ERP44: variants seen among roughly 807,000 people sequenced by gnomAD.
The protein encoded by ERP44 is endoplasmic reticulum resident protein 44.
In ERP44, 25 loss-of-function variants were observed where a neutral mutation model predicts 53.4. The observed-to-expected ratio is 0.47, with a 90% CI of 0.34 to 0.65. ERP44 has a LOEUF of 0.65. ERP44 is among the 30% of genes least tolerant of loss of function. The pLI is 0.01. For missense variants in ERP44, 338 were observed against 493.2 expected (o/e 0.69, Z 2.98); for synonymous variants, 145 against 161.2 (o/e 0.90, Z 0.76).
At chr9:99,991,782 G>T (rs1830259315) in intron 10 of ERP44, among the ~76,000 whole-genome samples, 13 of 151,960 alleles carry the variant, frequency 8.6e-5, no homozygotes, top group Admixed American at 8.5e-4. Context: ...GACTAATAAA[G>T]AAGAAAAGAG....
chr9:99,993,816 GA>G (rs1016427556), intron 10 of ERP44, among the ~76,000 whole-genome samples: 9 of 151,752 alleles, frequency 5.9e-5, no homozygotes, highest in African/African-American at 2.2e-4. Flanking sequence ...AAATTTACAA[GA>G]AAAAACCCCA....
At chr9:100,011,839 T>C (rs1381859106) in intron 8 of ERP44, among the ~76,000 whole-genome samples, 3 of 152,180 alleles carry the variant, frequency 2.0e-5, no homozygotes, top group Non-Finnish European at 2.9e-5. Context: ...TGCCAAGCTG[T>C]CATATAGAAA....
At chr9:99,995,318 T>C (rs575448249) in intron 10 of ERP44, among the ~76,000 whole-genome samples, 8 of 152,364 alleles carry the variant, frequency 5.3e-5, no homozygotes, top group African/African-American at 1.9e-4. Flanking sequence ...TCCTTTCAGG[T>C]CTGAATGCCT....
At chr9:100,049,927 A>C (rs188874683) in intron 4 of ERP44, among the ~76,000 whole-genome samples, 79 of 152,282 alleles carry the variant, frequency 5.2e-4, no homozygotes, top group African/African-American at 1.9e-3. Flanking sequence ...TCTGTCAGGA[A>C]GTGAACAGAT....
At chr9:100,000,151 G>T (rs1057172618) in intron 10 of ERP44, among the ~76,000 whole-genome samples, 9 of 152,052 alleles carry the variant, frequency 5.9e-5, no homozygotes, top group South Asian at 4.2e-4. Context: ...GTTCTCCCAG[G>T]CCGGTGCAGT....
chr9:100,002,785 T>C (rs1248577698), intron 10 of ERP44, among the ~76,000 whole-genome samples: 1 of 152,180 alleles, frequency 6.6e-6, no homozygotes, highest in Non-Finnish European at 1.5e-5. Flanking sequence ...CAACAGTTTA[T>C]GTGTTGGCGT....
At chr9:100,009,962 CATTTTATCA>C (rs1830456728) in intron 8 of ERP44, among the ~76,000 whole-genome samples, 1 of 47,246 alleles carries the variant, frequency 2.1e-5, no homozygotes, top group African/African-American at 5.4e-5. Flanking sequence ...ACTCCAAGAG[CATTTTATCA>C]ATGGAAAATT....
At chr9:100,065,056 A>G (rs1411437136) in intron 1 of ERP44, among the ~76,000 whole-genome samples, 5 of 152,240 alleles carry the variant, frequency 3.3e-5, no homozygotes, top group African/African-American at 1.2e-4. Context: ...AGACTACAGT[A>G]AGGTACAGTA....
At chr9:100,067,822 G>A (rs1826237261) in intron 1 of ERP44, among the ~76,000 whole-genome samples, 1 of 151,978 alleles carries the variant, frequency 6.6e-6, no homozygotes, top group Non-Finnish European at 1.5e-5. Context: ...TCTGAGATGT[G>A]GGGAGCGTCT....
chr9:100,053,533 A>G (rs950831506), intron 3 of ERP44, among the ~76,000 whole-genome samples: 1 of 152,180 alleles, frequency 6.6e-6, no homozygotes, highest in African/African-American at 2.4e-5. Flanking sequence ...GCATGCACCT[A>G]CACTATAGGG....
At chr9:100,077,956 A>G (rs188095798) in intron 1 of ERP44, among the ~76,000 whole-genome samples, 5 of 152,084 alleles carry the variant, frequency 3.3e-5, no homozygotes, top group Admixed American at 2.6e-4. Context: ...CTCCACCAGG[A>G]AAAAAAACAC....
intron 4 of ERP44, among the ~76,000 whole-genome samples, chr9:100,039,825 TG>T (rs1259369239): frequency 6.6e-6 from 1 of 151,598 alleles, no homozygotes; most frequent in East Asian, 1.9e-4. Context: ...ACATCAGAAA[TG>T]AAAAAGGAGA....
intron 8 of ERP44, among the ~76,000 whole-genome samples, chr9:100,012,570 T>C (rs998592776): frequency 3.3e-5 from 5 of 152,212 alleles, no homozygotes; most frequent in African/African-American, 1.2e-4. Flanking sequence ...TTCATACATT[T>C]GATTTGAAAT....
At chr9:100,025,013 G>A (rs958004955) in intron 4 of ERP44, among the ~76,000 whole-genome samples, 10 of 152,072 alleles carry the variant, frequency 6.6e-5, no homozygotes, top group East Asian at 1.9e-4. Context: ...CCATAGCCCC[G>A]GCTATGGTAA....
chr9:99,997,064 T>G (rs535889983), intron 10 of ERP44, among the ~76,000 whole-genome samples: 1 of 152,016 alleles, frequency 6.6e-6, no homozygotes, highest in Non-Finnish European at 1.5e-5. Flanking sequence ...GGCATTTGGG[T>G]TGGTTCCATG....
intron 8 of ERP44, among the ~76,000 whole-genome samples, chr9:100,016,106 G>A (rs1022052697): frequency 1.3e-5 from 2 of 152,166 alleles, no homozygotes; most frequent in African/African-American, 4.8e-5. Context: ...AGGCTGTAGT[G>A]AACTACTACT....
In ERP44 at chr9:100,052,438, T is replaced by G; in HGVS notation, c.265A>C (p.Arg89=). 1 of 1,610,594 alleles carries G rather than the reference T, an allele frequency of 6.2e-7. No homozygotes were observed. Among genetic ancestry groups the G allele is most frequent in the Non-Finnish European group, 8.5e-7 (1 of 1,177,714 alleles). ...FPNENQVVFA[R]VDCDQHSDIA... ...TTACAGTGCTGATCACAATCAACTC[T>G]GGCAAACACTACTTGATTTTCATTT... The change falls in exon 4 of 12, where the codon AGA becomes CGA. Residue 89 remains arginine (R), a synonymous_variant. Transcript: ENST00000262455.
intron 4 of ERP44, among the ~76,000 whole-genome samples, chr9:100,034,666 T>G (rs1040147701): frequency 6.6e-6 from 1 of 152,198 alleles, no homozygotes; most frequent in African/African-American, 2.4e-5. Context: ...GTAAATTGTT[T>G]TGGGCAGTAT....
At chr9:100,027,321 A>G (rs1336207068) in intron 4 of ERP44, among the ~76,000 whole-genome samples, 2 of 152,268 alleles carry the variant, frequency 1.3e-5, no homozygotes, top group East Asian at 3.8e-4. Flanking sequence ...TTAGATATTC[A>G]TTTGCTTCAT....
Sources: allele counts gnomAD v4.1 joint callset (sites outside exome capture counted in the v4.1 genomes callset), GRCh38; gene constraint gnomAD v4.1.1; transcripts MANE v1.5; gene names NCBI Gene and HGNC (gene_info 2026-07-23, HGNC 2026-07-21).